FBXL17: variants seen among roughly 807,000 people sequenced by gnomAD.
FBXL17 encodes the protein F-box and leucine rich repeat protein 17.
A neutral mutation model predicts 66.2 loss-of-function variants in FBXL17; 22 were observed. The observed-to-expected ratio is 0.33, with a 90% CI of 0.24 to 0.47. FBXL17 has a LOEUF of 0.47. Ranked by LOEUF, FBXL17 falls within the 20% of genes least tolerant of loss-of-function variation. The pLI, the probability that FBXL17 is intolerant of heterozygous loss-of-function variation, is 1.00. For missense variants in FBXL17, 878 were observed against 948.2 expected, an observed-to-expected ratio of 0.93 and a Z score of 0.97; for synonymous variants, 474 against 400.5, an observed-to-expected ratio of 1.18 and a Z score of -2.19.
chr5:108,287,327 A>T (rs553620338), intron 4 of FBXL17, among the ~76,000 whole-genome samples: 1 of 152,198 alleles, frequency 6.6e-6, no homozygotes, highest in Admixed American at 6.6e-5. Flanking sequence ...GAGTAAACAG[A>T]CAGTCTACAA....
chr5:108,220,748 C>T (rs552906661), intron 5 of FBXL17, among the ~76,000 whole-genome samples: 10 of 152,294 alleles, frequency 6.6e-5, no homozygotes, highest in Admixed American at 3.9e-4. Flanking sequence ...TGGCAAATGA[C>T]ATGCAGGTCC....
intron 8 of FBXL17, chr5:107,878,731 T>C: frequency 7.1e-6 from 7 of 985,494 alleles, no homozygotes; most frequent in Non-Finnish European, 7.2e-6. Flanking sequence ...AGCAGGCTTT[T>C]CTGTGCAAGG....
At chr5:107,968,103 G>A (rs1365349433) in intron 7 of FBXL17, among the ~76,000 whole-genome samples, 1 of 152,086 alleles carries the variant, frequency 6.6e-6, no homozygotes, top group East Asian at 1.9e-4. Context: ...GAGTGTCACT[G>A]GCAGAAAGGA....
At chr5:108,058,495 CT>C (rs1304337983) in intron 6 of FBXL17, among the ~76,000 whole-genome samples, 1 of 143,502 alleles carries the variant, frequency 7.0e-6, no homozygotes, top group Non-Finnish European at 1.5e-5. Flanking sequence ...CTTTCTTTTT[CT>C]TTTTTTTTGA....
At chr5:108,078,750 A>G (rs1017252625) in intron 6 of FBXL17, among the ~76,000 whole-genome samples, 2 of 151,972 alleles carry the variant, frequency 1.3e-5, no homozygotes, top group Non-Finnish European at 2.9e-5. Flanking sequence ...ATTTATCACC[A>G]TTACTTGTTT....
intron 4 of FBXL17, among the ~76,000 whole-genome samples, chr5:108,262,668 C>A (rs562121631): frequency 6.6e-6 from 1 of 151,816 alleles, no homozygotes; most frequent in South Asian, 2.1e-4. Context: ...AGACAATATA[C>A]GAGAAGAAAA....
chr5:107,956,935 T>C (rs1454430164), intron 7 of FBXL17, among the ~76,000 whole-genome samples: 1 of 152,176 alleles, frequency 6.6e-6, no homozygotes, highest in Non-Finnish European at 1.5e-5. Context: ...TTTTTGAGTT[T>C]TCTCAGTGCT....
At position 108,380,999 on chromosome 5, in the gene FBXL17, CCCTCCCCCGCCACCG is replaced by C; in HGVS notation, c.678_692del (p.Gly227_Gly231del). The C allele has an allele frequency of 2.5e-6, 3 of 1,198,932 alleles. No homozygotes were observed. The highest frequency in any genetic ancestry group is 3.1e-6 in the Non-Finnish European group (3 of 966,730). The allele number at this position is 1,198,932 out of a possible 1,614,324, so 74.3% of individuals were successfully genotyped here. A position where few individuals can be genotyped will look rare whatever the true frequency, so the allele number is the denominator to read the frequency against. ...GCGGCGAAGCGCCTCCCCCCGCAGG[CCCTCCCCCGCCACCG>C]CCGCCGCCGCCGCCGCCGCAGCCCC... is the stretch of plus-strand genomic sequence containing the variant. On this transcript the variant is annotated inframe_deletion, in exon 1 of 9. Transcript: ENST00000542267.
Position 108,382,007 on chromosome 5 carries a change from C to T in FBXL17, c.-316G>A, listed in dbSNP as rs1417917764. ...CCAGTCCGGGCCCGGCCAGCCGGCT[C>T]AGTCAGTCAGCGGAGCGGCCGGGGA... is the stretch of plus-strand genomic sequence containing the variant. On this transcript the variant is annotated 5_prime_UTR_variant, in exon 1 of 9. The change abolishes the stop of an existing upstream ORF in the 5' untranslated region. Transcript: ENST00000542267. 4.4e-6 allele frequency: 5 copies of T among 1,145,500 alleles called. No homozygotes were observed. Among genetic ancestry groups the T allele is most frequent in the Non-Finnish European group, 5.4e-6 (5 of 928,034 alleles). 71.0% of individuals were successfully genotyped at this position (1,145,500 alleles called of 1,614,324 possible).
At chr5:108,009,290 T>TAGATAGATAGATAGATAGATAG (rs1287152827) in intron 7 of FBXL17, among the ~76,000 whole-genome samples, 731 of 54,656 alleles carry the variant, frequency 0.013, 102 homozygotes, top group Non-Finnish European at 0.017. Context: ...TATATATATA[T>TAGATAGATAGATAGATAGATAG]ATATATATAT....
chr5:108,357,908 C>T (rs1195569609), intron 3 of FBXL17, among the ~76,000 whole-genome samples: 5 of 151,790 alleles, frequency 3.3e-5, no homozygotes, highest in Admixed American at 2.6e-4. Context: ...TTATGAGATC[C>T]AGCAAAAGCA....
intron 4 of FBXL17, among the ~76,000 whole-genome samples, chr5:108,254,475 T>G (rs996968273): frequency 2.0e-5 from 3 of 152,194 alleles, no homozygotes; most frequent in African/African-American, 7.2e-5. Flanking sequence ...GGGACTAAGT[T>G]TGCTGATCTG....
intron 7 of FBXL17, among the ~76,000 whole-genome samples, chr5:107,888,805 A>G (rs1749092141): frequency 6.6e-6 from 1 of 152,066 alleles, no homozygotes; most frequent in African/African-American, 2.4e-5. Flanking sequence ...TTTCGCATAC[A>G]TGTCTTTGTG....
intron 7 of FBXL17, among the ~76,000 whole-genome samples, chr5:107,951,747 T>G (rs763537496): frequency 6.6e-6 from 1 of 152,194 alleles, no homozygotes; most frequent in Non-Finnish European, 1.5e-5. Context: ...AAACAAGTTG[T>G]TGTGAGGATT....
intron 6 of FBXL17, among the ~76,000 whole-genome samples, chr5:108,124,750 A>G (rs1208034532): frequency 1.3e-5 from 2 of 152,114 alleles, no homozygotes; most frequent in Non-Finnish European, 2.9e-5. Flanking sequence ...TAGTCTATGT[A>G]GCAATGCCAA....
intron 6 of FBXL17, among the ~76,000 whole-genome samples, chr5:108,047,267 A>G (rs541351527): frequency 6.6e-6 from 1 of 152,350 alleles, no homozygotes. Flanking sequence ...TGTGCTACCC[A>G]GCTAGGGAAA....
intron 4 of FBXL17, among the ~76,000 whole-genome samples, chr5:108,313,622 T>G (rs1759225164): frequency 6.6e-6 from 1 of 152,026 alleles, no homozygotes; most frequent in African/African-American, 2.4e-5. Flanking sequence ...GTTTAAAGAT[T>G]TTTCTTTCAA....
At chr5:108,193,117 T>C (rs1443785462) in intron 5 of FBXL17, among the ~76,000 whole-genome samples, 1 of 152,232 alleles carries the variant, frequency 6.6e-6, no homozygotes, top group East Asian at 1.9e-4. Flanking sequence ...ATTGACTTTA[T>C]TGGACCAGGT....
chr5:108,051,325 T>C (rs1187616222), intron 6 of FBXL17, among the ~76,000 whole-genome samples: 2 of 152,132 alleles, frequency 1.3e-5, no homozygotes, highest in South Asian at 4.1e-4. Context: ...TGAACATTGA[T>C]ACAAAAATCC....
Sources: allele counts gnomAD v4.1 joint callset (sites outside exome capture counted in the v4.1 genomes callset), GRCh38; gene constraint gnomAD v4.1.1; transcripts MANE v1.5; gene names NCBI Gene and HGNC (gene_info 2026-07-23, HGNC 2026-07-21).